The following SHLD2 variants were observed in gnomAD, a reference collection of about 807,000 sequenced individuals.
The protein encoded by SHLD2 is RINN1-REV7-interacting novel NHEJ regulator 2.
A neutral mutation model predicts 73.2 loss-of-function variants in SHLD2; 30 were observed. The observed-to-expected ratio is 0.41, with a 90% confidence interval of 0.31 to 0.56. SHLD2 has a LOEUF of 0.56. SHLD2 is among the 20% of genes least tolerant of loss of function. The pLI, the probability that SHLD2 is intolerant of heterozygous loss-of-function variation, is 0.28. For synonymous variants in SHLD2, 285 were observed against 370.1 expected, an observed-to-expected ratio of 0.77 and a Z score of 2.64; for missense variants, 745 against 1,055.9, an observed-to-expected ratio of 0.71 and a Z score of 4.08.
chr10:87,113,315 A>G (rs1843047463), intron 2 of SHLD2, among the ~76,000 whole-genome samples: 1 of 152,192 alleles, frequency 6.6e-6, no homozygotes, highest in Admixed American at 6.5e-5. Context: ...TAAGAGCGAA[A>G]CTTTGTCTCA....
intron 3 of SHLD2, among the ~76,000 whole-genome samples, chr10:87,156,026 T>A (rs140728818): frequency 0.034 from 5,084 of 151,628 alleles, 222 homozygotes; most frequent in Admixed American, 0.11. Flanking sequence ...CCTGGGTAGT[T>A]CATACTACCT....
At chr10:87,146,149 G>A (rs1018506968) in intron 2 of SHLD2, among the ~76,000 whole-genome samples, 15 of 152,122 alleles carry the variant, frequency 9.9e-5, no homozygotes, top group South Asian at 2.1e-4. Flanking sequence ...GGTGAGGAGG[G>A]TAGGGTAACA....
upstream of SHLD2, chr10:87,094,788 G>A (rs751558068): frequency 6.6e-6 from 10 of 1,520,948 alleles, no homozygotes; most frequent in Admixed American, 1.8e-5. This position sits in a 1 kb window ranked among gnomAD's most constrained non-coding sequence, Gnocchi z 6.6. Flanking sequence ...GCGGAGGGGA[G>A]GTGCGTGATG....
rs548218721 is a variant in SHLD2, at chr10:87,144,616, ATTTTTTTTTT to A, written c.-5-6715_-5-6706del. ...TAAATTTAGGTACAAGCATTTACTA[ATTTTTTTTTT>A]TTTTTTTTTTTTTTTTTTGAGATGG... On this transcript the variant is annotated intron_variant, in intron 2 of 9. Coordinates refer to ENST00000298786, the MANE Select transcript of SHLD2 (RefSeq NM_001330112.2). Among the ~76,000 whole-genome samples, 124 of 89,502 alleles carry A rather than the reference ATTTTTTTTTT, an allele frequency of 1.4e-3. 1 individual carries two copies. The East Asian group carries it at 0.044, about 32-fold the overall frequency. 58.7% of individuals were successfully genotyped at this position (89,502 alleles called of 152,430 possible).
intron 4 of SHLD2, among the ~76,000 whole-genome samples, chr10:87,159,104 CTGATTATACAAGA>C (rs1846633777): frequency 1.3e-5 from 2 of 152,012 alleles, no homozygotes; most frequent in African/African-American, 4.8e-5. Context: ...GAGAAATATA[CTGATTATACAAGA>C]AGATAACTGG....
chr10:87,122,945 T>C (rs1843729981), intron 2 of SHLD2, among the ~76,000 whole-genome samples: 1 of 152,072 alleles, frequency 6.6e-6, no homozygotes, highest in Admixed American at 6.6e-5. Context: ...GCTCGGCTAA[T>C]TTTTTATATT....
chr10:87,126,320 T>C lies in SHLD2; in HGVS notation c.-5-25030T>C, dbSNP rs1426108013. 2.0e-5 allele frequency among the ~76,000 whole-genome samples: 3 copies of C among 152,188 alleles called. No individual in the cohort carries two copies. The East Asian group carries it at 5.8e-4, about 29-fold the overall frequency. On this transcript the variant is annotated intron_variant, in intron 2 of 9. Transcript: ENST00000298786. Reference sequence around the variant, plus strand: ...GTTTCGAACTCCTAGGCTCAAGCAGTCCTCCCACCTTGGCCTCCCAAAGTG... The same window carrying C: ...GTTTCGAACTCCTAGGCTCAAGCAGCCCTCCCACCTTGGCCTCCCAAAGTG...
chr10:87,178,649 T>TGA (rs1848104866), intron 7 of SHLD2, among the ~76,000 whole-genome samples: 1 of 151,430 alleles, frequency 6.6e-6, no homozygotes, highest in South Asian at 2.1e-4. Flanking sequence ...CCAGGGAGGT[T>TGA]GAGACTGCAG....
intron 3 of SHLD2, among the ~76,000 whole-genome samples, chr10:87,155,192 C>T (rs1257825393): frequency 6.6e-6 from 1 of 152,228 alleles, no homozygotes; most frequent in Admixed American, 6.5e-5. Context: ...GCCTCAGCCT[C>T]CCAAAGTGCT....
intron 3 of SHLD2, among the ~76,000 whole-genome samples, chr10:87,155,805 C>T (rs1426496395): frequency 6.6e-6 from 1 of 152,128 alleles, no homozygotes; most frequent in Non-Finnish European, 1.5e-5. Flanking sequence ...ATGCAATTTA[C>T]TTAACCATTT....
chr10:87,162,584 C>T (rs530427273), intron 4 of SHLD2, among the ~76,000 whole-genome samples: 49 of 152,164 alleles, frequency 3.2e-4, no homozygotes, highest in African/African-American at 1.1e-3. Context: ...GTCCCAGCTA[C>T]GTTGGAGGCT....
chr10:87,142,757 C>CT (rs1268636900), intron 2 of SHLD2, among the ~76,000 whole-genome samples: 4,397 of 141,938 alleles, frequency 0.031, 224 homozygotes, highest in African/African-American at 0.11. Context: ...TAGCAAAGTT[C>CT]TTTCTTTTTT....
chr10:87,145,174 C>T (rs572536009), intron 2 of SHLD2, among the ~76,000 whole-genome samples: 1 of 151,788 alleles, frequency 6.6e-6, no homozygotes, highest in Non-Finnish European at 1.5e-5. Context: ...ATCTCCTGAC[C>T]TCGTGATCCG....
chr10:87,133,027 G>GT (rs1458326583), intron 2 of SHLD2, among the ~76,000 whole-genome samples: 1 of 152,100 alleles, frequency 6.6e-6, no homozygotes, highest in Non-Finnish European at 1.5e-5. Flanking sequence ...GTTTTGGAAG[G>GT]TTAACTTGCC....
intron 2 of SHLD2, among the ~76,000 whole-genome samples, chr10:87,101,053 A>G (rs1470294188): frequency 2.0e-5 from 3 of 152,224 alleles, no homozygotes; most frequent in Non-Finnish European, 4.4e-5. Context: ...GGACTGTTTT[A>G]TCACTGTCAG....
At chr10:87,115,398 G>C (rs1157124788) in intron 2 of SHLD2, 1 of 152,194 alleles carries the variant, frequency 6.6e-6, no homozygotes, top group Admixed American at 6.6e-5. Flanking sequence ...CCTAGAGATA[G>C]AGTGTGGGAA....
chr10:87,128,588 TA>T (rs1457960958), intron 2 of SHLD2, among the ~76,000 whole-genome samples: 2 of 152,240 alleles, frequency 1.3e-5, no homozygotes, highest in African/African-American at 4.8e-5. Context: ...GAAAACACTT[TA>T]TTTTCCTCTC....
chr10:87,121,316 A>G (rs1158086610), intron 2 of SHLD2, among the ~76,000 whole-genome samples: 3 of 151,708 alleles, frequency 2.0e-5, no homozygotes, highest in Non-Finnish European at 4.4e-5. Flanking sequence ...GTAGAGACAG[A>G]GTTTCACCAT....
intron 4 of SHLD2, among the ~76,000 whole-genome samples, chr10:87,169,646 A>G (rs4934308): frequency 0.16 from 23,959 of 150,668 alleles, 2,019 homozygotes; most frequent in African/African-American, 0.19. Context: ...TCAATCACGT[A>G]CTCAAGCATA....
Sources: gnomAD v4.1 joint callset for allele counts (sites outside exome capture counted in the v4.1 genomes callset) on GRCh38, gnomAD v4.1.1 for gene constraint, Gnocchi (gnomAD v3.1) non-coding constraint, MANE v1.5 for transcripts, NCBI Gene and HGNC (gene_info 2026-07-23, HGNC 2026-07-21) for gene names.